Variants in SLC36A1 observed in about 807,000 individuals in gnomAD.
The protein encoded by SLC36A1 is solute carrier family 36 member 1, also known as proton-coupled amino acid transporter 1.
Under a neutral mutation model 47.5 loss-of-function variants are expected in SLC36A1, and 30 were observed. The observed-to-expected ratio is 0.63, with a 90% CI of 0.47 to 0.86. The LOEUF is 0.86. Ranked by LOEUF, SLC36A1 falls within the 40% of genes least tolerant of loss-of-function variation. The pLI is 0.00. For synonymous variants in SLC36A1, 255 were observed against 249.7 expected, an observed-to-expected ratio of 1.02 and a Z score of -0.20; for missense variants, 517 against 606.0, an observed-to-expected ratio of 0.85 and a Z score of 1.54.
At chr5:151,538,232 A>C in the SLC36A1 span, among the ~76,000 whole-genome samples, 7 of 152,138 alleles carry the variant, frequency 4.6e-5, no homozygotes, top group African/African-American at 1.7e-4. Flanking sequence ...GAGAATGGAG[A>C]AGTTCTGTCA....
chr5:151,545,376 G>A, the SLC36A1 span: 22 of 1,614,122 alleles, frequency 1.4e-5, no homozygotes, highest in Non-Finnish European at 1.8e-5. Flanking sequence ...CAGGATGGAT[G>A]GTAACAGCTT....
the SLC36A1 span, chr5:151,544,676 G>T: frequency 6.2e-7 from 1 of 1,614,060 alleles, no homozygotes; most frequent in South Asian, 1.1e-5. Context: ...TGGAGGGATG[G>T]CGTTCCTCCA....
intron 1 of SLC36A1, 138 bp from the exon 2 acceptor site, chr5:151,458,650 A>G: frequency 1.1e-6 from 1 of 908,798 alleles, no homozygotes; most frequent in Non-Finnish European, 1.6e-6. Flanking sequence ...GGTACCAGGC[A>G]CTTTCATACT....
the SLC36A1 span, chr5:151,507,083 A>T: frequency 7.3e-7 from 1 of 1,367,606 alleles, no homozygotes; most frequent in Non-Finnish European, 1.0e-6. Context: ...TGTGCCTCAG[A>T]TAACGGAGTG....
chr5:151,500,325 C>G, the SLC36A1 span, among the ~76,000 whole-genome samples: 1 of 152,108 alleles, frequency 6.6e-6, no homozygotes. Context: ...CTCGGTTTCT[C>G]CATTTGTAAA....
At chr5:151,531,665 G>C in the SLC36A1 span, 1 of 1,613,768 alleles carries the variant, frequency 6.2e-7, no homozygotes, top group Non-Finnish European at 8.5e-7. The surrounding 1 kb of genome is among the most constrained non-coding windows in gnomAD (Gnocchi z 5.7). Flanking sequence ...GCGCCCGGGC[G>C]AGTGAGGGTG....
At chr5:151,495,678 C>G (rs1205937522), downstream of SLC36A1, among the ~76,000 whole-genome samples, 1 of 152,114 alleles carries the variant, frequency 6.6e-6, no homozygotes, top group Admixed American at 6.5e-5. Context: ...CCTTCAGTCC[C>G]CCACATCCCT....
At position 151,467,766 on chromosome 5, in the gene SLC36A1, G is replaced by A. The variant is rs1426127296; in HGVS notation, c.564G>A (p.Leu188=). ...NNCHNNETVI[L]TPTMDSRLYM... ...GCCACAACAATGAGACGGTGATTCT[G>A]ACGCCTACCATGGACTCGCGACTCT... The change falls in exon 7 of 11, where the codon CTG becomes CTA. Residue 188 remains leucine (L), a synonymous_variant. Coordinates refer to ENST00000243389, the MANE Select transcript of SLC36A1 (RefSeq NM_078483.4). 2.5e-6 allele frequency: 4 copies of A among 1,613,912 alleles called. No homozygotes were observed. The highest frequency in any genetic ancestry group is 3.4e-6 in the Non-Finnish European group (4 of 1,180,012).
chr5:151,487,619 C>G (rs1210489301), intron 10 of SLC36A1, among the ~76,000 whole-genome samples: 1 of 152,084 alleles, frequency 6.6e-6, no homozygotes, highest in East Asian at 1.9e-4. Context: ...TCAGGAACGT[C>G]CACCTCCTTT....
At chr5:151,493,162 T>G (rs962458049), downstream of SLC36A1, among the ~76,000 whole-genome samples, 3 of 152,240 alleles carry the variant, frequency 2.0e-5, no homozygotes, top group African/African-American at 7.2e-5. Flanking sequence ...CTTCCCTTTT[T>G]GTCACTGAGT....
chr5:151,362,389 CTTTTTTT>C, the SLC36A1 span, among the ~76,000 whole-genome samples: 1 of 109,016 alleles, frequency 9.2e-6, no homozygotes, highest in Admixed American at 8.7e-5. Flanking sequence ...ATTGATTCTT[CTTTTTTT>C]TTTTTTTTTT....
At chr5:151,377,878 C>T in the SLC36A1 span, 130 of 155,226 alleles carry the variant, frequency 8.4e-4, 1 homozygote, top group Admixed American at 4.1e-3. Context: ...TATCTTTTTC[C>T]ATCTTTTAAT....
chr5:151,545,445 C>T, the SLC36A1 span: 7 of 1,614,046 alleles, frequency 4.3e-6, no homozygotes, highest in East Asian at 4.5e-5. Flanking sequence ...CGCTGGCCCG[C>T]ACCATGAGAA....
the SLC36A1 span, chr5:151,525,641 G>T: frequency 1.0e-6 from 1 of 983,238 alleles, no homozygotes; most frequent in Non-Finnish European, 1.5e-6. Flanking sequence ...GAAGGACCTA[G>T]CCCAGTGCCT....
At chr5:151,508,066 C>A in the SLC36A1 span, among the ~76,000 whole-genome samples, 1 of 152,160 alleles carries the variant, frequency 6.6e-6, no homozygotes, top group African/African-American at 2.4e-5. Context: ...CACAGATCAG[C>A]CACCTTACAA....
the SLC36A1 span, among the ~76,000 whole-genome samples, chr5:151,419,295 A>G: frequency 2.0e-5 from 3 of 152,062 alleles, no homozygotes; most frequent in Non-Finnish European, 2.9e-5. Flanking sequence ...TTTGCTGTGT[A>G]CCCCTGGGAA....
At chr5:151,505,960 G>A in the SLC36A1 span, 1 of 1,574,016 alleles carries the variant, frequency 6.4e-7, no homozygotes, top group Admixed American at 2.0e-5. Flanking sequence ...AGGCCATTAG[G>A]CTCTGGCATC....
chr5:151,369,446 G>A, the SLC36A1 span, among the ~76,000 whole-genome samples: 1 of 152,204 alleles, frequency 6.6e-6, no homozygotes, highest in African/African-American at 2.4e-5. Flanking sequence ...TCAAATTCAA[G>A]CTGGTCAAGT....
the SLC36A1 span, among the ~76,000 whole-genome samples, chr5:151,383,770 A>C: frequency 6.6e-6 from 1 of 151,812 alleles, no homozygotes; most frequent in Non-Finnish European, 1.5e-5. Flanking sequence ...ACGGGGTTTC[A>C]CCATGTTGGC....
Sources: allele counts gnomAD v4.1 joint callset (sites outside exome capture counted in the v4.1 genomes callset), GRCh38; gene constraint gnomAD v4.1.1; non-coding constraint Gnocchi (gnomAD v3.1); transcripts MANE v1.5; gene names NCBI Gene and HGNC (gene_info 2026-07-23, HGNC 2026-07-21).